PEX13: variants seen among roughly 807,000 people sequenced by gnomAD.
PEX13 encodes the protein peroxisomal biogenesis factor 13.
In PEX13, 28 loss-of-function variants were observed where a neutral mutation model predicts 34.5. The observed-to-expected ratio is 0.81, with a 90% CI of 0.60 to 1.11. The LOEUF (loss-of-function observed/expected upper bound fraction) is 1.11, where lower values mean the gene tolerates loss of function less well. Ranked by LOEUF, PEX13 falls within the 50% of genes most tolerant of loss-of-function variation. The probability of loss-of-function intolerance (pLI) is 0.00; values close to 1 mark genes in which losing one functional copy is unlikely to be tolerated. For missense variants in PEX13, 550 were observed against 491.0 expected (o/e 1.12, Z -1.13); for synonymous variants, 177 against 175.1 (o/e 1.01, Z -0.09).
intron 2 of PEX13, among the ~76,000 whole-genome samples, chr2:61,033,161 T>A (rs1680480001): frequency 6.6e-6 from 1 of 152,158 alleles, no homozygotes; most frequent in Admixed American, 6.5e-5. Flanking sequence ...CATAAAGGAT[T>A]TGGGTTGTAT....
chr2:61,025,153 C>T (rs1457671623), intron 1 of PEX13, among the ~76,000 whole-genome samples: 2 of 151,822 alleles, frequency 1.3e-5, no homozygotes, highest in African/African-American at 4.8e-5. Flanking sequence ...ATTGCAACCT[C>T]TGCCACCCAG....
intron 1 of PEX13, among the ~76,000 whole-genome samples, chr2:61,025,358 C>CATT (rs553600004): frequency 2.0e-4 from 29 of 143,392 alleles, no homozygotes; most frequent in Non-Finnish European, 2.7e-4. Context: ...TTATTATTAT[C>CATT]ATTATTATTA....
intron 1 of PEX13, among the ~76,000 whole-genome samples, chr2:61,026,582 G>A (rs1227407280): frequency 1.3e-5 from 2 of 151,294 alleles, no homozygotes; most frequent in Non-Finnish European, 2.9e-5. Context: ...TCCTGACATT[G>A]TGATCCACCC....
rs1369422039 is a variant in PEX13, at chr2:61,017,730, A to G, written c.-30A>G. The G allele has an allele frequency of 5.9e-6, 9 of 1,534,922 alleles. No homozygotes were observed. The highest frequency in any genetic ancestry group is 2.0e-5 in the Admixed American group (1 of 50,822). ...TACGCGGGCCTGGACAGTCAGGGGT[A>G]GGAGCGGGAGCCGAGAGGAGGCGGA... On this transcript the variant is annotated 5_prime_UTR_variant, in exon 1 of 4. Transcript: ENST00000295030.
intron 1 of PEX13, among the ~76,000 whole-genome samples, chr2:61,019,243 T>A (rs1680195482): frequency 6.6e-6 from 1 of 152,042 alleles, no homozygotes; most frequent in Admixed American, 6.5e-5. Flanking sequence ...ATTTATATAT[T>A]ATTTTTTGTA....
At chr2:61,046,635 T>C (rs1680707752) in intron 3 of PEX13, among the ~76,000 whole-genome samples, 1 of 152,188 alleles carries the variant, frequency 6.6e-6, no homozygotes, top group Non-Finnish European at 1.5e-5. Flanking sequence ...TATCCTGTCA[T>C]TGTTTTACCC....
Position 61,032,055 on chromosome 2 carries a change from C to T in PEX13, c.729C>T (p.Ile243=). ...SWPIFLFFAV[I]LGGPYLIWKL... is the part of the protein sequence containing the mutation. ...CAATATTCTTGTTCTTTGCTGTTAT[C>T]CTTGGTGGTCCTTACCTCATTTGGA... The change falls in exon 2 of 4, where the codon ATC becomes ATT. Residue 243 remains isoleucine (I), a synonymous_variant. Coordinates refer to ENST00000295030, the MANE Select transcript of PEX13 (RefSeq NM_002618.4). 1.2e-6 allele frequency: 2 copies of T among 1,613,532 alleles called. No homozygotes were observed. The highest frequency in any genetic ancestry group is 2.2e-5 in the East Asian group (1 of 44,872).
chr2:61,020,613 C>G (rs572114247), intron 1 of PEX13, among the ~76,000 whole-genome samples: 1 of 152,194 alleles, frequency 6.6e-6, no homozygotes, highest in East Asian at 1.9e-4. Flanking sequence ...TCAAAATTCT[C>G]TCTCTCTACC....
At chr2:61,026,890 T>C (rs1223550246) in intron 1 of PEX13, among the ~76,000 whole-genome samples, 1 of 152,120 alleles carries the variant, frequency 6.6e-6, no homozygotes, top group African/African-American at 2.4e-5. Flanking sequence ...ATTTTTGAGA[T>C]GGTCATTTTG....
intron 1 of PEX13, among the ~76,000 whole-genome samples, chr2:61,023,779 G>A (rs1680305855): frequency 8.0e-6 from 1 of 125,024 alleles, no homozygotes. Flanking sequence ...GGCCATCTCT[G>A]TCTTTTGTTT....
intron 1 of PEX13, chr2:61,018,525 G>T: frequency 2.7e-6 from 1 of 374,790 alleles, no homozygotes; most frequent in Non-Finnish European, 4.7e-6. Flanking sequence ...ACTTTAAAAA[G>T]GCTAAAACAT....
At chr2:61,035,543 C>G (rs542675364) in intron 2 of PEX13, among the ~76,000 whole-genome samples, 1 of 152,168 alleles carries the variant, frequency 6.6e-6, no homozygotes, top group Admixed American at 6.5e-5. Flanking sequence ...GGAGCATGTT[C>G]TAACCCATCG....
intron 2 of PEX13, among the ~76,000 whole-genome samples, chr2:61,032,662 A>G (rs973381645): frequency 1.3e-5 from 2 of 152,226 alleles, no homozygotes; most frequent in Non-Finnish European, 2.9e-5. Flanking sequence ...AGAACTATAA[A>G]CAAAACCAGG....
At chr2:61,020,651 T>C (rs1680239863) in intron 1 of PEX13, among the ~76,000 whole-genome samples, 1 of 152,172 alleles carries the variant, frequency 6.6e-6, no homozygotes, top group South Asian at 2.1e-4. Context: ...ATTTTATTTT[T>C]ATTTCATTTT....
intron 1 of PEX13, chr2:61,018,118 G>A: frequency 3.2e-6 from 5 of 1,547,134 alleles, no homozygotes; most frequent in South Asian, 1.2e-5. Context: ...TTGAAAGAAA[G>A]GGGGGCGGCT....
In PEX13 at chr2:61,048,744, A is replaced by G. The variant is rs749088744; in HGVS notation, c.1186A>G (p.Lys396Glu). ...TCCAGTTGCACCTGATTCCATTGGGAAAGATGGAGAAAAGCAAGATCTTTG... is the reference window on the plus strand; with the variant it reads ...TCCAGTTGCACCTGATTCCATTGGGGAAGATGGAGAAAAGCAAGATCTTTG... ...KVPVAPDSIG[K>E]DGEKQDL The change falls in exon 4 of 4, where the codon AAA becomes GAA. Residue 396 changes from lysine to glutamate, a missense_variant. Physicochemically the swap from Lys to Glu is moderately conservative, Grantham distance 56. Transcript: ENST00000295030. 2 of 1,613,924 alleles carry G rather than the reference A, an allele frequency of 1.2e-6. No homozygotes were observed. Among genetic ancestry groups the G allele is most frequent in the Non-Finnish European group, 1.7e-6 (2 of 1,179,790 alleles).
intron 3 of PEX13, 72 bp downstream of exon 3, chr2:61,045,923 A>G (rs1281576662): frequency 4.1e-6 from 5 of 1,227,652 alleles, no homozygotes; most frequent in Non-Finnish European, 3.6e-6. Context: ...AAAAACTACA[A>G]CAAAGGATCT....
intron 1 of PEX13, among the ~76,000 whole-genome samples, chr2:61,022,329 C>T (rs1176229446): frequency 6.6e-6 from 1 of 152,126 alleles, no homozygotes; most frequent in Non-Finnish European, 1.5e-5. Flanking sequence ...GTAGAGAAGA[C>T]CTTAAATGAC....
chr2:61,047,230 A>G (rs1680717175), intron 3 of PEX13, among the ~76,000 whole-genome samples: 1 of 151,780 alleles, frequency 6.6e-6, no homozygotes. Context: ...ATCTTGGCTC[A>G]CTGCAACCTC....
Sources: allele counts gnomAD v4.1 joint callset (sites outside exome capture counted in the v4.1 genomes callset), GRCh38; gene constraint gnomAD v4.1.1; transcripts MANE v1.5; gene names NCBI Gene and HGNC (gene_info 2026-07-23, HGNC 2026-07-21).